SDK1: variants seen among roughly 807,000 people sequenced by gnomAD.
SDK1 encodes protein sidekick-1.
SDK1 carries 157 observed loss-of-function variants against 245.5 expected under a neutral mutation model. The observed-to-expected ratio is 0.64, with a 90% CI of 0.56 to 0.73. SDK1 has a LOEUF of 0.73. Ranked by LOEUF, SDK1 falls within the 30% of genes least tolerant of loss-of-function variation. The pLI, the probability that SDK1 is intolerant of heterozygous loss-of-function variation, is 0.00. For missense variants in SDK1, 3,583 were observed against 3,002.3 expected (o/e 1.19, Z -4.52); for synonymous variants, 1,647 against 1,278.5 (o/e 1.29, Z -6.15).
intron 22 of SDK1, among the ~76,000 whole-genome samples, chr7:4,094,325 G>T (rs1039805561): frequency 6.6e-6 from 1 of 152,196 alleles, no homozygotes; most frequent in African/African-American, 2.4e-5. Context: ...GCCTCCCAAA[G>T]TGCTGGTATT....
chr7:3,990,705 G>A (rs770401304), intron 14 of SDK1, among the ~76,000 whole-genome samples: 59 of 152,190 alleles, frequency 3.9e-4, no homozygotes, highest in Non-Finnish European at 8.4e-4. Context: ...CACTTAGTAC[G>A]TACTCAGCAA....
chr7:3,650,338 C>T (rs991426085), intron 4 of SDK1, among the ~76,000 whole-genome samples: 2 of 152,172 alleles, frequency 1.3e-5, no homozygotes, highest in African/African-American at 2.4e-5. Context: ...ACTCTGTACC[C>T]GTTAAACATA....
At chr7:3,569,870 A>G (rs1453801590) in intron 1 of SDK1, among the ~76,000 whole-genome samples, 1 of 152,120 alleles carries the variant, frequency 6.6e-6, no homozygotes, top group African/African-American at 2.4e-5. Context: ...TACGTTGTTT[A>G]TTTTATGGTT....
intron 4 of SDK1, among the ~76,000 whole-genome samples, chr7:3,684,199 C>G (rs1232633942): frequency 2.6e-5 from 4 of 152,234 alleles, no homozygotes; most frequent in African/African-American, 9.6e-5. Context: ...TCTACCCCAA[C>G]TCAGCATCAG....
intron 1 of SDK1, among the ~76,000 whole-genome samples, chr7:3,361,452 C>T (rs1320469759): frequency 1.3e-5 from 2 of 152,214 alleles, no homozygotes; most frequent in African/African-American, 4.8e-5. Context: ...GGCTTCTCTT[C>T]CCTTCCCAGC....
chr7:3,444,757 T>C (rs573608659), intron 1 of SDK1, among the ~76,000 whole-genome samples: 2 of 152,332 alleles, frequency 1.3e-5, no homozygotes, highest in South Asian at 2.1e-4. Flanking sequence ...ACTTGGCTAA[T>C]GTCCAGTTTT....
intron 5 of SDK1, among the ~76,000 whole-genome samples, chr7:3,839,417 T>C (rs1780102913): frequency 6.6e-6 from 1 of 152,186 alleles, no homozygotes; most frequent in African/African-American, 2.4e-5. Context: ...TGTCAGCCAA[T>C]AGATCATTAA....
At chr7:3,619,683 A>G (rs763709985) in intron 2 of SDK1, among the ~76,000 whole-genome samples, 1 of 152,222 alleles carries the variant, frequency 6.6e-6, no homozygotes, top group Non-Finnish European at 1.5e-5. Flanking sequence ...GGAGATAGGG[A>G]TGGATGGAAT....
chr7:3,759,801 C>T (rs528809487), intron 4 of SDK1, among the ~76,000 whole-genome samples: 17 of 152,074 alleles, frequency 1.1e-4, no homozygotes, highest in African/African-American at 3.4e-4. Context: ...CCATGTTGGC[C>T]AGGCTGGTCT....
chr7:4,130,985 T>C (rs1417551433), intron 27 of SDK1, among the ~76,000 whole-genome samples: 1 of 152,130 alleles, frequency 6.6e-6, no homozygotes, highest in Non-Finnish European at 1.5e-5. Flanking sequence ...GTGCCACCCC[T>C]GATCCTCGCC....
intron 8 of SDK1, among the ~76,000 whole-genome samples, chr7:3,959,977 G>T (rs1781551039): frequency 6.6e-6 from 1 of 152,108 alleles, no homozygotes; most frequent in African/African-American, 2.4e-5. Flanking sequence ...GTTAAGAAAA[G>T]CTGTGTTTGT....
At chr7:4,190,608 C>T (rs945295489) in intron 35 of SDK1, among the ~76,000 whole-genome samples, 15 of 152,348 alleles carry the variant, frequency 9.8e-5, no homozygotes, top group Admixed American at 3.3e-4. Flanking sequence ...GTGCCTCCGC[C>T]GTGGGGGATT....
rs1779502397 is a variant in SDK1 at position 3,742,392 on chromosome 7, C to T, written c.714-79058C>T. ...TGTGAACGTGTTCCTCCCAGCTCTA[C>T]TTCCGGTAAGGAGAATTTCCCAGAA... On this transcript the variant is annotated intron_variant, in intron 4 of 44. Coordinates refer to ENST00000404826, the MANE Select transcript of SDK1 (RefSeq NM_152744.4). Among the ~76,000 whole-genome samples, 4 of 152,162 alleles carry T rather than the reference C, an allele frequency of 2.6e-5. No homozygotes were observed. In the South Asian group the frequency reaches 8.3e-4, roughly 32 times the overall value.
chr7:3,471,874 C>G (rs1781194602), intron 1 of SDK1, among the ~76,000 whole-genome samples: 1 of 152,142 alleles, frequency 6.6e-6, no homozygotes, highest in Non-Finnish European at 1.5e-5. Flanking sequence ...TTCTCTGAAA[C>G]AAATATTGAA....
At chr7:3,501,292 G>A (rs1405786180) in intron 1 of SDK1, among the ~76,000 whole-genome samples, 2 of 151,842 alleles carry the variant, frequency 1.3e-5, no homozygotes, top group African/African-American at 2.4e-5. Flanking sequence ...TTTTCTGCTT[G>A]GCTATTAACT....
chr7:3,442,109 G>T (rs1434756714), intron 1 of SDK1, among the ~76,000 whole-genome samples: 1 of 152,156 alleles, frequency 6.6e-6, no homozygotes, highest in Non-Finnish European at 1.5e-5. Context: ...ATAGATTTAA[G>T]CCAGAGGTTC....
intron 4 of SDK1, among the ~76,000 whole-genome samples, chr7:3,753,849 C>T (rs1779844193): frequency 6.6e-6 from 1 of 152,118 alleles, no homozygotes; most frequent in Non-Finnish European, 1.5e-5. Flanking sequence ...TATTACTGTC[C>T]TTATTTTCTT....
intron 1 of SDK1, among the ~76,000 whole-genome samples, chr7:3,484,228 C>A (rs1044486093): frequency 6.6e-6 from 1 of 152,222 alleles, no homozygotes; most frequent in South Asian, 2.1e-4. Context: ...TCCATGAATT[C>A]ACATCCCTCC....
At chr7:3,326,718 C>G (rs184366574) in intron 1 of SDK1, among the ~76,000 whole-genome samples, 1 of 152,022 alleles carries the variant, frequency 6.6e-6, no homozygotes, top group African/African-American at 2.4e-5. Flanking sequence ...TAAATACATG[C>G]AATGGTAGAG....
Sources: allele counts gnomAD v4.1 joint callset (sites outside exome capture counted in the v4.1 genomes callset), GRCh38; gene constraint gnomAD v4.1.1; transcripts MANE v1.5; gene names NCBI Gene and HGNC (gene_info 2026-07-23, HGNC 2026-07-21).